Variants in RDX observed in about 807,000 individuals in gnomAD.
RDX encodes radixin.
A neutral mutation model predicts 83.7 loss-of-function variants in RDX; 32 were observed. That is an observed-to-expected ratio of 0.38 (90% confidence interval 0.29 to 0.51). The LOEUF (loss-of-function observed/expected upper bound fraction) is 0.51. RDX is among the 20% of genes least tolerant of loss of function. The probability of loss-of-function intolerance (pLI) is 0.87; values close to 1 mark genes in which losing one functional copy is unlikely to be tolerated. For missense variants in RDX, 600 were observed against 689.9 expected (o/e 0.87, Z 1.46); for synonymous variants, 229 against 222.7 (o/e 1.03, Z -0.25).
chr11:110,214,997 A>C (rs1232775198), intron 14 of RDX, among the ~76,000 whole-genome samples: 1 of 147,848 alleles, frequency 6.8e-6, no homozygotes, highest in East Asian at 1.9e-4. Flanking sequence ...ATAATAAAAA[A>C]AAAATGAAAA....
chr11:110,252,624 G>A (rs1859382338), intron 9 of RDX, among the ~76,000 whole-genome samples: 1 of 152,112 alleles, frequency 6.6e-6, no homozygotes, highest in Admixed American at 6.5e-5. Flanking sequence ...GGAAATGCAA[G>A]GCTATGTGTA....
intron 1 of RDX, among the ~76,000 whole-genome samples, chr11:110,295,731 T>A (rs540535230): frequency 6.6e-6 from 1 of 151,458 alleles, no homozygotes. Flanking sequence ...AAGAGGGATA[T>A]CATGTACTGA....
At chr11:110,201,563 G>GC (rs1863403338) in intron 14 of RDX, among the ~76,000 whole-genome samples, 1 of 152,164 alleles carries the variant, frequency 6.6e-6, no homozygotes, top group Non-Finnish European at 1.5e-5. Context: ...GAAGGCAGCA[G>GC]CAACTGAAGG....
intron 1 of RDX, among the ~76,000 whole-genome samples, chr11:110,285,162 G>A (rs889778144): frequency 2.6e-5 from 4 of 152,048 alleles, no homozygotes; most frequent in African/African-American, 9.7e-5. Context: ...GCCGAGGCAG[G>A]CGGATCACGA....
intron 2 of RDX, among the ~76,000 whole-genome samples, chr11:110,277,638 C>G (rs987586004): frequency 6.6e-6 from 1 of 151,372 alleles, no homozygotes; most frequent in African/African-American, 2.4e-5. Flanking sequence ...TTTAATATAG[C>G]TTCTTTTGTG....
chr11:110,235,075 G>A (rs1864789152), intron 12 of RDX, among the ~76,000 whole-genome samples: 1 of 152,086 alleles, frequency 6.6e-6, no homozygotes, highest in Non-Finnish European at 1.5e-5. Flanking sequence ...GGTGTCAGCT[G>A]CACACAGTGG....
In RDX at chr11:110,267,439, G is replaced by A. The variant is rs2134390359; in HGVS notation, c.97-2565C>T. 1.3e-5 allele frequency among the ~76,000 whole-genome samples: 2 copies of A among 151,646 alleles called. 1 individual carries two copies. Among genetic ancestry groups the A allele is most frequent in the South Asian group, 4.2e-4 (2 of 4,812 alleles). ...GAGACAGTAGAATTGCTTGAGCCCA[G>A]GAGGCAGAGGCTGCAGTGAGCCGAG... On this transcript the variant is annotated intron_variant, in intron 3 of 13. Transcript: ENST00000645495.
intron 8 of RDX, 137 bp downstream of exon 8, chr11:110,255,152 G>A (rs1859488083): frequency 1.8e-6 from 1 of 558,008 alleles, no homozygotes; most frequent in African/African-American, 1.9e-5. Context: ...TTTCATCACT[G>A]GGAAAGCTGA....
chr11:110,286,879 C>G (rs1352950830), intron 1 of RDX: 2 of 152,088 alleles, frequency 1.3e-5, no homozygotes, highest in Non-Finnish European at 2.9e-5. Flanking sequence ...CTGGTGAAGC[C>G]TATGAACTCT....
chr11:110,283,944 T>C (rs1000824751), intron 1 of RDX, among the ~76,000 whole-genome samples: 32 of 152,310 alleles, frequency 2.1e-4, no homozygotes, highest in Middle Eastern at 3.4e-3. Context: ...ATAAAGATAT[T>C]GCTCAGATTC....
chr11:110,185,707 G>A (rs768306894), intron 15 of RDX: 2 of 152,274 alleles, frequency 1.3e-5, no homozygotes, highest in African/African-American at 2.4e-5. Context: ...ACTAGAGAAT[G>A]TGGGCTTATG....
At chr11:110,190,836 T>C (rs576868676) in intron 15 of RDX, among the ~76,000 whole-genome samples, 1 of 151,960 alleles carries the variant, frequency 6.6e-6, no homozygotes, top group South Asian at 2.1e-4. Context: ...AACTAGAAAA[T>C]CAAGAGGAGA....
intron 1 of RDX, among the ~76,000 whole-genome samples, chr11:110,294,261 G>C (rs1256074383): frequency 6.6e-6 from 1 of 152,210 alleles, no homozygotes; most frequent in Non-Finnish European, 1.5e-5. Flanking sequence ...CGGGCATGGT[G>C]GCGCACGCCT....
At chr11:110,194,469 C>T (rs1863162797) in intron 15 of RDX, among the ~76,000 whole-genome samples, 2 of 152,218 alleles carry the variant, frequency 1.3e-5, no homozygotes, top group Non-Finnish European at 2.9e-5. Context: ...ATCCGCCCAC[C>T]TCAGCCTCCC....
chr11:110,182,183 C>T (rs951670469), intron 15 of RDX, among the ~76,000 whole-genome samples: 3 of 152,230 alleles, frequency 2.0e-5, no homozygotes, highest in Non-Finnish European at 2.9e-5. Context: ...GATTCCTTGC[C>T]GCAGTGCTGG....
At chr11:110,249,422 C>T (rs1859240099) in intron 9 of RDX, among the ~76,000 whole-genome samples, 1 of 152,142 alleles carries the variant, frequency 6.6e-6, no homozygotes, top group Admixed American at 6.5e-5. Context: ...CTCCTAGATA[C>T]CCATTTGCCC....
Position 110,184,481 on chromosome 11 carries a change from C to CTAAGG in RDX, c.*32-9252_*32-9248dup, listed in dbSNP as rs1862947753. Among the ~76,000 whole-genome samples, 3 of 152,222 alleles carry CTAAGG rather than the reference C, an allele frequency of 2.0e-5. No individual in the cohort carries two copies. The South Asian group carries it at 6.2e-4, about 32-fold the overall frequency. Reference sequence around the variant, plus strand: ...TGAACAGAGAGCAAGGCACGGGCCTCTAAGGTGTAAGCCTTGCAGGGTGGG... The same window carrying CTAAGG: ...TGAACAGAGAGCAAGGCACGGGCCTCTAAGGTAAGGTGTAAGCCTTGCAGGGTGGG... On this transcript the variant is annotated intron_variant, in intron 15 of 15. Coordinates refer to the RDX transcript ENST00000528498.
At position 110,231,679 on chromosome 11, in the gene RDX, AG is replaced by A. The variant is rs1177097628; in HGVS notation, c.*189del. 9.3e-6 allele frequency: 6 copies of A among 642,216 alleles called. No individual in the cohort carries two copies. The highest frequency in any genetic ancestry group is 1.8e-5 in the South Asian group (1 of 54,362). The allele number at this position is 642,216 out of a possible 1,614,324, so 39.8% of individuals were successfully genotyped here. ...TCCATTCCCTGGACCAAAAGAAAAA[AG>A]AAAACCAAGCATGATATCATACTGC... On this transcript the variant is annotated 3_prime_UTR_variant, in exon 14 of 14. Coordinates refer to ENST00000645495, the MANE Select transcript of RDX (RefSeq NM_002906.4).
intron 2 of RDX, chr11:110,272,890 C>A (rs1173720183): frequency 8.1e-6 from 4 of 492,322 alleles, no homozygotes; most frequent in African/African-American, 7.8e-5. Context: ...TACAGAAACG[C>A]AAAGAGTTTC....
Sources: gnomAD v4.1 joint callset for allele counts (sites outside exome capture counted in the v4.1 genomes callset) on GRCh38, gnomAD v4.1.1 for gene constraint, MANE v1.5 for transcripts, NCBI Gene and HGNC (gene_info 2026-07-23, HGNC 2026-07-21) for gene names.